The following CNTNAP2 variants were observed in gnomAD, a reference collection of about 807,000 sequenced individuals.
CNTNAP2 encodes contactin-associated protein-like 2.
CNTNAP2 carries 98 observed loss-of-function variants against 155.2 expected under a neutral mutation model. The ratio of observed to expected loss-of-function variants is 0.63; its 90% CI spans 0.54 to 0.75. The LOEUF is 0.75. Among genes scored for constraint, CNTNAP2 ranks in the 30% least tolerant of loss-of-function variants. The pLI is 0.00. For synonymous variants in CNTNAP2, 651 were observed against 631.2 expected (o/e 1.03, Z -0.47); for missense variants, 1,727 against 1,688.1 (o/e 1.02, Z -0.40).
chr7:148,156,079 T>C (rs1183894122), intron 17 of CNTNAP2, among the ~76,000 whole-genome samples: 1 of 152,192 alleles, frequency 6.6e-6, no homozygotes, highest in Admixed American at 6.5e-5. Flanking sequence ...TGGCTGGTAT[T>C]ATGCAGATTA....
At chr7:147,997,980 A>C (rs1367335415) in intron 15 of CNTNAP2, among the ~76,000 whole-genome samples, 1 of 151,916 alleles carries the variant, frequency 6.6e-6, no homozygotes, top group Non-Finnish European at 1.5e-5. Context: ...CTACAGGGGG[A>C]GTCCCTAATG....
intron 15 of CNTNAP2, among the ~76,000 whole-genome samples, chr7:148,114,812 C>T (rs996876962): frequency 1.3e-5 from 2 of 152,130 alleles, no homozygotes; most frequent in Admixed American, 1.3e-4. Context: ...TAACTAAAAT[C>T]GATATTAAAG....
At chr7:147,055,225 A>G (rs1210117782) in intron 4 of CNTNAP2, among the ~76,000 whole-genome samples, 1 of 152,200 alleles carries the variant, frequency 6.6e-6, no homozygotes, top group African/African-American at 2.4e-5. Context: ...ACACTTAGCA[A>G]CTTTAGATTT....
At chr7:147,404,916 AAAG>A (rs1484424685) in intron 10 of CNTNAP2, among the ~76,000 whole-genome samples, 17 of 152,214 alleles carry the variant, frequency 1.1e-4, no homozygotes, top group Admixed American at 2.0e-4. Context: ...TTTTTTAAAA[AAAG>A]GTAGTGAAAT....
At chr7:146,546,806 G>A (rs1034424145) in intron 1 of CNTNAP2, among the ~76,000 whole-genome samples, 4 of 151,776 alleles carry the variant, frequency 2.6e-5, no homozygotes, top group African/African-American at 9.7e-5. Context: ...ATCAGACCTC[G>A]TAAGAACTCA....
chr7:148,276,246 TAAG>T (rs996895189), intron 21 of CNTNAP2, among the ~76,000 whole-genome samples: 4 of 152,110 alleles, frequency 2.6e-5, no homozygotes, highest in Admixed American at 2.6e-4. Flanking sequence ...GATTTGAATA[TAAG>T]AAGTTTACCT....
chr7:147,092,890 A>G (rs1800437335), intron 4 of CNTNAP2, among the ~76,000 whole-genome samples: 1 of 152,102 alleles, frequency 6.6e-6, no homozygotes, highest in African/African-American at 2.4e-5. Flanking sequence ...TTCTACTTGT[A>G]AGTTGCATGT....
At chr7:146,631,056 A>T (rs1799502608) in intron 1 of CNTNAP2, among the ~76,000 whole-genome samples, 1 of 152,144 alleles carries the variant, frequency 6.6e-6, no homozygotes, top group Non-Finnish European at 1.5e-5. Context: ...TAGAAAAAAA[A>T]CTACTTTAAA....
At chr7:146,688,788 G>A (rs1800647483) in intron 1 of CNTNAP2, among the ~76,000 whole-genome samples, 1 of 152,110 alleles carries the variant, frequency 6.6e-6, no homozygotes, top group Non-Finnish European at 1.5e-5. Context: ...ATGTTGCCAT[G>A]AAATGACATA....
At chr7:146,126,997 G>C (rs926918188) in intron 1 of CNTNAP2, among the ~76,000 whole-genome samples, 1 of 152,078 alleles carries the variant, frequency 6.6e-6, no homozygotes, top group Non-Finnish European at 1.5e-5. Context: ...ATCTATGCCA[G>C]AAATACTTTC....
intron 14 of CNTNAP2, among the ~76,000 whole-genome samples, chr7:147,904,581 T>C (rs1185905384): frequency 2.6e-5 from 4 of 152,170 alleles, no homozygotes; most frequent in Admixed American, 1.3e-4. Context: ...CCAGCCATGG[T>C]TTTCTTCAGT....
In CNTNAP2 at chr7:146,364,389, G is replaced by T. The variant is rs115480210; in HGVS notation, c.97+247416G>T. The stretch of plus-strand genomic sequence containing the variant: ...TGCAACTCACTGCTGACAGAGTTTC[G>T]TTTAGAATGCAGTTCTCTTCACTCC... On this transcript the variant is annotated intron_variant, in intron 1 of 23. Transcript: ENST00000361727. 6.5e-3 allele frequency among the ~76,000 whole-genome samples: 989 copies of T among 152,160 alleles called. 10 individuals are homozygous for T. The highest frequency in any genetic ancestry group is 0.023 in the African/African-American group (942 of 41,520).
chr7:146,758,159 C>T (rs1445708299), intron 1 of CNTNAP2, among the ~76,000 whole-genome samples: 2 of 152,184 alleles, frequency 1.3e-5, no homozygotes, highest in Non-Finnish European at 2.9e-5. Context: ...CTTTCAATCA[C>T]TTTTTCTTAA....
intron 15 of CNTNAP2, among the ~76,000 whole-genome samples, chr7:148,078,584 G>T (rs957278241): frequency 5.3e-5 from 8 of 152,024 alleles, no homozygotes; most frequent in Non-Finnish European, 1.0e-4. Context: ...AGGTTCAAAC[G>T]ATTCTCCTGC....
intron 3 of CNTNAP2, among the ~76,000 whole-genome samples, chr7:146,905,845 C>A (rs10225179): frequency 6.6e-6 from 1 of 152,170 alleles, no homozygotes; most frequent in South Asian, 2.1e-4. Flanking sequence ...CCAGCGTGAG[C>A]GATGCAGAAG....
intron 1 of CNTNAP2, among the ~76,000 whole-genome samples, chr7:146,553,093 T>G (rs1798145297): frequency 6.6e-6 from 1 of 152,156 alleles, no homozygotes. Context: ...TTGAGACATG[T>G]ATTTTAGTCT....
At chr7:147,168,152 C>A (rs928409441) in intron 8 of CNTNAP2, among the ~76,000 whole-genome samples, 1 of 149,010 alleles carries the variant, frequency 6.7e-6, no homozygotes, top group African/African-American at 2.5e-5. Flanking sequence ...TAATGTCATG[C>A]ATATATTTAT....
intron 9 of CNTNAP2, among the ~76,000 whole-genome samples, chr7:147,348,885 T>C (rs1252993642): frequency 6.6e-6 from 1 of 151,930 alleles, no homozygotes; most frequent in East Asian, 1.9e-4. Flanking sequence ...GTGTCAGGAA[T>C]AGAAAGTTCA....
At chr7:147,903,427 T>G in intron 13 of CNTNAP2, 138 bp from the exon 14 acceptor site, 1 of 927,310 alleles carries the variant, frequency 1.1e-6, no homozygotes. Context: ...GGGTTGTCTG[T>G]TTGAAATAAA....
Sources: gnomAD v4.1 joint callset for allele counts (sites outside exome capture counted in the v4.1 genomes callset) on GRCh38, gnomAD v4.1.1 for gene constraint, MANE v1.5 for transcripts, NCBI Gene and HGNC (gene_info 2026-07-23, HGNC 2026-07-21) for gene names.